Variants in POFUT3 observed in about 807,000 individuals in gnomAD.
POFUT3 encodes the protein protein O-fucosyltransferase 3.
At chr8:33,432,785 T>C in the POFUT3 span, among the ~76,000 whole-genome samples, 1 of 152,190 alleles carries the variant, frequency 6.6e-6, no homozygotes, top group African/African-American at 2.4e-5. Flanking sequence ...AAAAGATATA[T>C]TAAAATATGT....
chr8:33,332,298 A>G, the POFUT3 span, among the ~76,000 whole-genome samples: 4 of 151,834 alleles, frequency 2.6e-5, no homozygotes, highest in African/African-American at 9.7e-5. Context: ...TGCCTGGCCA[A>G]CATGGTGAAA....
chr8:33,407,277 C>T, the POFUT3 span, among the ~76,000 whole-genome samples: 2 of 152,128 alleles, frequency 1.3e-5, no homozygotes, highest in Admixed American at 6.6e-5. Context: ...TAGGACACAT[C>T]GTCTGAGAGG....
chr8:33,398,989 G>A, the POFUT3 span, among the ~76,000 whole-genome samples: 2 of 152,182 alleles, frequency 1.3e-5, no homozygotes, highest in Non-Finnish European at 2.9e-5. Context: ...ACCATGGGAT[G>A]TTGTGAAGTA....
the POFUT3 span, among the ~76,000 whole-genome samples, chr8:33,378,970 A>G: frequency 6.6e-6 from 1 of 152,044 alleles, no homozygotes; most frequent in African/African-American, 2.4e-5. Context: ...AAGGGAGGGA[A>G]CTGGTGGGAA....
chr8:33,348,141 A>G, the POFUT3 span, among the ~76,000 whole-genome samples: 3 of 149,572 alleles, frequency 2.0e-5, no homozygotes, highest in South Asian at 6.5e-4. Context: ...TCTGCTTTCC[A>G]ACCTCGGTGA....
chr8:33,411,562 G>A, the POFUT3 span, among the ~76,000 whole-genome samples: 1 of 152,172 alleles, frequency 6.6e-6, no homozygotes, highest in African/African-American at 2.4e-5. Context: ...GCCGAGGTGG[G>A]CAATCGCCTG....
At chr8:33,386,462 A>C in the POFUT3 span, among the ~76,000 whole-genome samples, 1 of 152,262 alleles carries the variant, frequency 6.6e-6, no homozygotes, top group African/African-American at 2.4e-5. Context: ...GAAATGCCAC[A>C]TTCAGTTAGC....
the POFUT3 span, among the ~76,000 whole-genome samples, chr8:33,350,836 A>G: frequency 4.1e-4 from 62 of 152,208 alleles, no homozygotes; most frequent in Non-Finnish European, 1.0e-4. Context: ...AAGAGAAACT[A>G]AGGGACCTAT....
the POFUT3 span, among the ~76,000 whole-genome samples, chr8:33,458,975 AG>A: frequency 6.6e-6 from 1 of 152,180 alleles, no homozygotes; most frequent in Non-Finnish European, 1.5e-5. Context: ...AGAGTGAAAA[AG>A]CCCAGAGAAC....
the POFUT3 span, among the ~76,000 whole-genome samples, chr8:33,467,472 G>C: frequency 6.6e-6 from 1 of 151,982 alleles, no homozygotes; most frequent in African/African-American, 2.4e-5. Context: ...GGGTGCCCTA[G>C]AATACTCCTT....
At chr8:33,387,121 A>T in the POFUT3 span, among the ~76,000 whole-genome samples, 1 of 151,698 alleles carries the variant, frequency 6.6e-6, no homozygotes, top group Admixed American at 6.6e-5. Flanking sequence ...GTGTGTGTGT[A>T]TTTAATTTTT....
the POFUT3 span, among the ~76,000 whole-genome samples, chr8:33,378,886 ACT>A: frequency 6.6e-6 from 1 of 151,950 alleles, no homozygotes; most frequent in Non-Finnish European, 1.5e-5. Flanking sequence ...GACTAACCTG[ACT>A]CTACCTCCCT....
At chr8:33,452,973 C>T in the POFUT3 span, 2 of 444,906 alleles carry the variant, frequency 4.5e-6, 1 homozygote, top group South Asian at 1.1e-4. Flanking sequence ...GATCATAATC[C>T]CTTATCCAAC....
At chr8:33,317,593 A>C in the POFUT3 span, among the ~76,000 whole-genome samples, 10 of 152,124 alleles carry the variant, frequency 6.6e-5, no homozygotes, top group Non-Finnish European at 1.5e-4. Context: ...GAAATGTATA[A>C]GCCCTGTCTT....
At chr8:33,319,952 C>T in the POFUT3 span, among the ~76,000 whole-genome samples, 1 of 149,892 alleles carries the variant, frequency 6.7e-6, no homozygotes, top group Admixed American at 6.9e-5. Flanking sequence ...ATTCATGATT[C>T]ATGGAATGGA....
the POFUT3 span, among the ~76,000 whole-genome samples, chr8:33,370,228 G>A: frequency 6.8e-6 from 1 of 146,010 alleles, no homozygotes; most frequent in East Asian, 2.0e-4. Context: ...GGTGGCAGGT[G>A]CCTGTAATCC....
the POFUT3 span, among the ~76,000 whole-genome samples, chr8:33,384,033 G>A: frequency 5.3e-5 from 8 of 151,810 alleles, no homozygotes; most frequent in Non-Finnish European, 1.0e-4. Context: ...CAGCTGCCTT[G>A]CTGAAACTGG....
the POFUT3 span, among the ~76,000 whole-genome samples, chr8:33,360,215 C>A: frequency 6.6e-6 from 1 of 151,906 alleles, no homozygotes; most frequent in Non-Finnish European, 1.5e-5. Context: ...GAGGCCGAGG[C>A]AGGCGGATCG....
the POFUT3 span, among the ~76,000 whole-genome samples, chr8:33,402,688 C>T: frequency 4.6e-5 from 7 of 152,034 alleles, no homozygotes; most frequent in Non-Finnish European, 1.0e-4. Context: ...TGCAACTCTC[C>T]GATGGCAGTA....
Sources: gnomAD v4.1 joint callset for allele counts (sites outside exome capture counted in the v4.1 genomes callset) on GRCh38, gnomAD v4.1.1 for gene constraint, MANE v1.5 for transcripts, NCBI Gene and HGNC (gene_info 2026-07-23, HGNC 2026-07-21) for gene names.